RAB1A: variants seen among roughly 807,000 people sequenced by gnomAD.
RAB1A encodes ras-related protein Rab-1A.
In RAB1A, 2 loss-of-function variants were observed where a neutral mutation model predicts 26.0. That is an observed-to-expected ratio of 0.08 (90% CI 0.03 to 0.24). RAB1A has a LOEUF of 0.24. Among genes scored for constraint, RAB1A ranks in the 10% least tolerant of loss-of-function variants. The probability of loss-of-function intolerance (pLI) is 1.00; values close to 1 mark genes in which losing one functional copy is unlikely to be tolerated. For synonymous variants in RAB1A, 84 were observed against 84.9 expected, an observed-to-expected ratio of 0.99 and a Z score of 0.06; for missense variants, 100 against 247.0, an observed-to-expected ratio of 0.40 and a Z score of 3.99.
chr2:65,089,830 G>C (rs1418212566), intron 4 of RAB1A, among the ~76,000 whole-genome samples: 2 of 151,778 alleles, frequency 1.3e-5, no homozygotes, highest in African/African-American at 4.8e-5. Context: ...AGCCTCCCAA[G>C]TGGCTAGGAT....
At chr2:65,094,428 T>C (rs200484812) in intron 3 of RAB1A, among the ~76,000 whole-genome samples, 2 of 151,820 alleles carry the variant, frequency 1.3e-5, no homozygotes, top group East Asian at 3.9e-4. Flanking sequence ...CTACTAAAAA[T>C]ACAAAATTAG....
rs541259809 is a variant in RAB1A at position 65,129,763 on chromosome 2, C to A, written c.23+130G>T. The A allele has an allele frequency of 5.2e-5, 74 of 1,420,538 alleles. No individual in the cohort carries two copies. In the African/African-American group the frequency reaches 9.3e-4, roughly 18 times the overall value. The allele number at this position is 1,420,538 out of a possible 1,614,324, so 88.0% of individuals were successfully genotyped here. ...ATGGGGCCCGACTCCCGGCCGCCAG[C>A]CTCTCCTGACCCATCACCCTCGCCT... is the stretch of plus-strand genomic sequence containing the variant. On this transcript the variant is annotated intron_variant, in intron 1 of 5. Coordinates refer to ENST00000409784, the MANE Select transcript of RAB1A (RefSeq NM_004161.5).
rs899659764 is a variant in RAB1A, at chr2:65,089,082, T to A, written c.289-12A>T. On this transcript the variant is annotated splice_polypyrimidine_tract_variant and intron_variant, in intron 4 of 5. Coordinates refer to ENST00000409784, the MANE Select transcript of RAB1A (RefSeq NM_004161.5). ...TTATTGAAGGACTCCTAAAAAGACA[T>A]TTGAAAGACTGATAATATAGTTCGA... 1 of 1,596,396 alleles carries A rather than the reference T, an allele frequency of 6.3e-7. No individual in the cohort carries two copies. Among genetic ancestry groups the A allele is most frequent in the African/African-American group, 1.3e-5 (1 of 74,664 alleles).
Position 65,088,166 on chromosome 2 carries a change from A to G in RAB1A, c.*327T>C, listed in dbSNP as rs1473297326. Reference sequence around the variant, plus strand: ...CTTCAGAAGACTAAACCTGACATCTAAACATGCCAATATAAACATCAAAAC... The same window carrying G: ...CTTCAGAAGACTAAACCTGACATCTGAACATGCCAATATAAACATCAAAAC... On this transcript the variant is annotated 3_prime_UTR_variant, in exon 6 of 6. Coordinates refer to ENST00000409784, the MANE Select transcript of RAB1A (RefSeq NM_004161.5). The G allele has an allele frequency of 1.4e-5, 3 of 210,294 alleles. No homozygotes were observed. The highest frequency in any genetic ancestry group is 2.8e-5 in the Non-Finnish European group (3 of 106,500). The allele number at this position is 210,294 out of a possible 1,614,324, so 13.0% of individuals were successfully genotyped here. A position where few individuals can be genotyped will look rare whatever the true frequency, so the allele number is the denominator to read the frequency against.
intron 1 of RAB1A, chr2:65,114,129 G>A (rs753651049): frequency 2.1e-6 from 1 of 469,826 alleles, no homozygotes; most frequent in Non-Finnish European, 4.1e-6. Flanking sequence ...AGTATATGAA[G>A]TTAAATTCTG....
At chr2:65,129,383 C>T (rs996360819) in intron 1 of RAB1A, among the ~76,000 whole-genome samples, 9 of 151,928 alleles carry the variant, frequency 5.9e-5, no homozygotes, top group Non-Finnish European at 1.2e-4. Context: ...ATCCATATTA[C>T]CTGAAACCTG....
At chr2:65,107,533 C>T (rs1435967753) in intron 1 of RAB1A, among the ~76,000 whole-genome samples, 1 of 152,074 alleles carries the variant, frequency 6.6e-6, no homozygotes, top group Non-Finnish European at 1.5e-5. Flanking sequence ...GTCGCCCAGG[C>T]TGGAGTGCAG....
At chr2:65,107,461 T>C (rs1011789926) in intron 1 of RAB1A, among the ~76,000 whole-genome samples, 2 of 152,062 alleles carry the variant, frequency 1.3e-5, no homozygotes, top group South Asian at 2.1e-4. Flanking sequence ...ACAGCATTGA[T>C]ACTACCATAG....
At chr2:65,103,298 T>G (rs199960418) in intron 2 of RAB1A, among the ~76,000 whole-genome samples, 1 of 6,710 alleles carries the variant, frequency 1.5e-4, no homozygotes, top group Non-Finnish European at 3.6e-4. Context: ...AGAATCTGTC[T>G]CAAAAAAAAA....
chr2:65,105,429 C>A, intron 1 of RAB1A: 1 of 151,550 alleles, frequency 6.6e-6, no homozygotes, highest in Non-Finnish European at 1.4e-5. Flanking sequence ...TGCTTGAACC[C>A]AGGAGGCAGA....
At chr2:65,098,170 GT>G in intron 2 of RAB1A, 104 bp from the exon 3 acceptor site, 1 of 624,948 alleles carries the variant, frequency 1.6e-6, no homozygotes, top group Admixed American at 3.9e-5. Context: ...TAAAAAAAAA[GT>G]TTACTTTTAT....
chr2:65,111,869 A>G (rs1327654873), intron 1 of RAB1A, among the ~76,000 whole-genome samples: 1 of 152,106 alleles, frequency 6.6e-6, no homozygotes, highest in Non-Finnish European at 1.5e-5. Context: ...GGATCACCTG[A>G]GGTCAGGAGT....
rs755397579 is a variant in RAB1A at position 65,088,464 on chromosome 2, T to C, written c.*29A>G. 2.2e-5 allele frequency: 34 copies of C among 1,565,780 alleles called. No homozygotes were observed. Among genetic ancestry groups the C allele is most frequent in the Middle Eastern group, 3.6e-4 (2 of 5,570 alleles). ...CACTTGGGTTCAGATTGCAAATTCATTGCTGTGAGAAAAGGATGGAGGCAA... is the reference window on the plus strand; with the variant it reads ...CACTTGGGTTCAGATTGCAAATTCACTGCTGTGAGAAAAGGATGGAGGCAA... On this transcript the variant is annotated 3_prime_UTR_variant, in exon 6 of 6. Transcript: ENST00000409784.
intron 2 of RAB1A, among the ~76,000 whole-genome samples, chr2:65,104,174 T>C (rs1669501632): frequency 6.6e-6 from 1 of 152,196 alleles, no homozygotes; most frequent in Non-Finnish European, 1.5e-5. Flanking sequence ...GCTTCAGCAT[T>C]TAGAACTATG....
rs1052073694 is a variant in RAB1A at position 65,106,873 on chromosome 2, C to T, written c.24-2067G>A. ...TTCCTTCTTAATTAAACCAAATATT[C>T]TTCTTTCTTTTTTTGAGACAGAGTC... On this transcript the variant is annotated intron_variant, in intron 1 of 5. Coordinates refer to ENST00000409784, the MANE Select transcript of RAB1A (RefSeq NM_004161.5). Among the ~76,000 whole-genome samples the T allele has an allele frequency of 3.3e-5, 5 of 151,740 alleles. No individual in the cohort carries two copies. In the East Asian group the frequency reaches 9.7e-4, roughly 30 times the overall value.
intron 2 of RAB1A, among the ~76,000 whole-genome samples, chr2:65,104,000 G>GGATGGTCTCA (rs1669497995): frequency 5.3e-5 from 8 of 151,916 alleles, no homozygotes; most frequent in Non-Finnish European, 1.0e-4. Flanking sequence ...GGATGGTCTC[G>GGATGGTCTCA]ATCTCTTGAC....
chr2:65,127,969 C>A (rs1301676513), intron 1 of RAB1A, among the ~76,000 whole-genome samples: 1 of 152,076 alleles, frequency 6.6e-6, no homozygotes, highest in Non-Finnish European at 1.5e-5. Context: ...CTCCTGACCT[C>A]GGGATCCGCC....
chr2:65,107,741 G>C lies in RAB1A; in HGVS notation c.24-2935C>G, dbSNP rs189350374. ...ACACTCAAAAACATTCCCTGAATTTGCTGTACTGGAGCCAGTTGAAGTAAA... is the reference window on the plus strand; with the variant it reads ...ACACTCAAAAACATTCCCTGAATTTCCTGTACTGGAGCCAGTTGAAGTAAA... On this transcript the variant is annotated intron_variant, in intron 1 of 5. Coordinates refer to ENST00000409784, the MANE Select transcript of RAB1A (RefSeq NM_004161.5). Among the ~76,000 whole-genome samples the C allele has an allele frequency of 2.6e-5, 4 of 152,234 alleles. No homozygotes were observed. The East Asian group carries it at 7.7e-4, about 29-fold the overall frequency.
Position 65,087,738 on chromosome 2 carries a change from T to G in RAB1A, c.*755A>C, listed in dbSNP as rs1438046979. 1 of 152,636 alleles carries G rather than the reference T, an allele frequency of 6.6e-6. No individual in the cohort carries two copies. Among genetic ancestry groups the G allele is most frequent in the Non-Finnish European group, 1.5e-5 (1 of 68,044 alleles). 9.5% of individuals were successfully genotyped at this position (152,636 alleles called of 1,614,324 possible). Reference sequence around the variant, plus strand: ...GGCATATTATCTAGAAAGCAAATACTGGATGCTGCTCTAAGATAGGTCTAG... The same window carrying G: ...GGCATATTATCTAGAAAGCAAATACGGGATGCTGCTCTAAGATAGGTCTAG... On this transcript the variant is annotated 3_prime_UTR_variant, in exon 6 of 6. Coordinates refer to ENST00000409784, the MANE Select transcript of RAB1A (RefSeq NM_004161.5).
Sources: allele counts gnomAD v4.1 joint callset (sites outside exome capture counted in the v4.1 genomes callset), GRCh38; gene constraint gnomAD v4.1.1; transcripts MANE v1.5; gene names NCBI Gene and HGNC (gene_info 2026-07-23, HGNC 2026-07-21).